Variants in MAF observed in about 807,000 individuals in gnomAD.
The protein encoded by MAF is MAF bZIP transcription factor, also known as transcription factor Maf.
MAF carries 10 observed loss-of-function variants against 22.0 expected under a neutral mutation model. That is an observed-to-expected ratio of 0.45 (90% CI 0.28 to 0.77). The LOEUF is 0.77. MAF is among the 30% of genes least tolerant of loss of function. MAF has a pLI of 0.12. For synonymous variants in MAF, 337 were observed against 255.8 expected, an observed-to-expected ratio of 1.32 and a Z score of -3.03; for missense variants, 544 against 548.4, an observed-to-expected ratio of 0.99 and a Z score of 0.08.
At position 79,600,177 on chromosome 16, in the gene MAF, T is replaced by C. The variant is rs886470800; in HGVS notation, c.-275A>G. The C allele has an allele frequency of 2.6e-6, 1 of 379,502 alleles. No homozygotes were observed. Among genetic ancestry groups the C allele is most frequent in the Non-Finnish European group, 4.7e-6 (1 of 212,368 alleles). 23.5% of individuals were successfully genotyped at this position (379,502 alleles called of 1,614,324 possible). A position where few individuals can be genotyped will look rare whatever the true frequency, so the allele number is the denominator to read the frequency against. On this transcript the variant is annotated 5_prime_UTR_variant, in exon 1 of 2. Coordinates refer to ENST00000326043, the MANE Select transcript of MAF (RefSeq NM_005360.5). ...GCCCCTCCTTGCTCGCTCGCCTCCT[T>C]GCGCGCCGAGCCGGCGGCTTCAGGC... is the stretch of plus-strand genomic sequence containing the variant.
At chr16:79,395,914 G>T in the MAF span, among the ~76,000 whole-genome samples, 1 of 152,172 alleles carries the variant, frequency 6.6e-6, no homozygotes, top group African/African-American at 2.4e-5. Flanking sequence ...AGGCAGAAGA[G>T]AACGAGAAGA....
At chr16:79,386,441 T>C in the MAF span, among the ~76,000 whole-genome samples, 1 of 152,040 alleles carries the variant, frequency 6.6e-6, no homozygotes, top group Admixed American at 6.5e-5. Flanking sequence ...ATGCTGTGGC[T>C]GATCTGACAG....
chr16:79,288,146 T>C, the MAF span, among the ~76,000 whole-genome samples: 1 of 152,100 alleles, frequency 6.6e-6, no homozygotes, highest in African/African-American at 2.4e-5. Flanking sequence ...ACTCCAGGCT[T>C]CTTCAAGGAG....
the MAF span, among the ~76,000 whole-genome samples, chr16:79,509,312 T>C: frequency 6.6e-6 from 1 of 152,178 alleles, no homozygotes. Context: ...CTGGTTGTGA[T>C]GCACAGCCCA....
chr16:79,475,837 A>G, the MAF span, among the ~76,000 whole-genome samples: 1 of 152,178 alleles, frequency 6.6e-6, no homozygotes, highest in Non-Finnish European at 1.5e-5. Flanking sequence ...TGTTGCAGGC[A>G]GAATCCTAAG....
At chr16:79,502,805 T>A in the MAF span, among the ~76,000 whole-genome samples, 31 of 141,834 alleles carry the variant, frequency 2.2e-4, no homozygotes, top group Non-Finnish European at 3.6e-4. Context: ...GGTAGGGGAT[T>A]AATTATAAAA....
downstream of MAF, chr16:79,585,794 C>CT (rs1335919727): frequency 4.8e-5 from 28 of 589,054 alleles, no homozygotes; most frequent in African/African-American, 5.0e-4. Context: ...TGTTTGCTTC[C>CT]TTGCTTTTCC....
chr16:79,552,229 T>TTTC, the MAF span, among the ~76,000 whole-genome samples: 2 of 152,058 alleles, frequency 1.3e-5, no homozygotes, highest in African/African-American at 4.8e-5. Context: ...TCTTTTTTTT[T>TTTC]TTCAGTCAGT....
At chr16:79,534,880 C>G in the MAF span, among the ~76,000 whole-genome samples, 1 of 152,202 alleles carries the variant, frequency 6.6e-6, no homozygotes, top group Non-Finnish European at 1.5e-5. Context: ...AGGTTCCTCT[C>G]TGGACAGTGT....
the MAF span, among the ~76,000 whole-genome samples, chr16:79,435,544 G>C: frequency 6.6e-6 from 1 of 152,196 alleles, no homozygotes; most frequent in African/African-American, 2.4e-5. Context: ...CCATGAGGTA[G>C]ATGCTATTGT....
chr16:79,470,193 T>A, the MAF span, among the ~76,000 whole-genome samples: 1 of 152,228 alleles, frequency 6.6e-6, no homozygotes, highest in African/African-American at 2.4e-5. Flanking sequence ...GCGGCGGAGA[T>A]AGGAACTCTG....
chr16:79,447,826 G>A, the MAF span, among the ~76,000 whole-genome samples: 13 of 138,788 alleles, frequency 9.4e-5, no homozygotes, highest in African/African-American at 3.0e-4. Flanking sequence ...CCCAGGAGGT[G>A]GAGGACGTTG....
the MAF span, among the ~76,000 whole-genome samples, chr16:79,392,000 G>T: frequency 2.0e-5 from 3 of 150,044 alleles, no homozygotes; most frequent in African/African-American, 7.4e-5. Context: ...GAGAAGGAGG[G>T]AGAGACAGAG....
the MAF span, among the ~76,000 whole-genome samples, chr16:79,223,249 C>T: frequency 2.6e-5 from 4 of 152,170 alleles, no homozygotes; most frequent in African/African-American, 9.7e-5. Flanking sequence ...CCTGAACAAC[C>T]TGCTCCTGAA....
the MAF span, among the ~76,000 whole-genome samples, chr16:79,290,716 C>A: frequency 6.6e-6 from 1 of 152,036 alleles, no homozygotes; most frequent in Non-Finnish European, 1.5e-5. Flanking sequence ...CGTGCAACAG[C>A]TTCCAATGAT....
chr16:79,260,434 G>C, the MAF span, among the ~76,000 whole-genome samples: 7 of 145,308 alleles, frequency 4.8e-5, no homozygotes, highest in Non-Finnish European at 6.2e-5. Context: ...TCACAGATGT[G>C]AGCCACCATG....
At chr16:79,325,308 C>G in the MAF span, among the ~76,000 whole-genome samples, 4 of 152,176 alleles carry the variant, frequency 2.6e-5, no homozygotes, top group Admixed American at 1.3e-4. Context: ...ACCGTGCATG[C>G]AACTGGCATT....
the MAF span, among the ~76,000 whole-genome samples, chr16:79,471,339 T>A: frequency 6.6e-6 from 1 of 152,238 alleles, no homozygotes; most frequent in African/African-American, 2.4e-5. Context: ...TCCCTGTTAT[T>A]TTTTCACACT....
chr16:79,467,118 C>A, the MAF span, among the ~76,000 whole-genome samples: 157 of 152,272 alleles, frequency 1.0e-3, no homozygotes, highest in African/African-American at 3.5e-3. Flanking sequence ...CCATTGGGCC[C>A]AGGATGCTGA....
Sources: gnomAD v4.1 joint callset for allele counts (sites outside exome capture counted in the v4.1 genomes callset) on GRCh38, gnomAD v4.1.1 for gene constraint, MANE v1.5 for transcripts, NCBI Gene and HGNC (gene_info 2026-07-23, HGNC 2026-07-21) for gene names.